PARD3: variants seen among roughly 807,000 people sequenced by gnomAD.
The protein encoded by PARD3 is par-3 family cell polarity regulator.
Under a neutral mutation model 155.4 loss-of-function variants are expected in PARD3, and 75 were observed. That is an observed-to-expected ratio of 0.48 (90% CI 0.40 to 0.58). The LOEUF is 0.58. Among genes scored for constraint, PARD3 ranks in the 20% least tolerant of loss-of-function variants. The pLI is 0.00. For missense variants in PARD3, 1,642 were observed against 1,721.7 expected (o/e 0.95, Z 0.82); for synonymous variants, 576 against 610.5 (o/e 0.94, Z 0.83).
chr10:34,355,937 AAAAAAAAAACAAAACAAAACCAAAC>A (rs1182888458), intron 14 of PARD3, among the ~76,000 whole-genome samples: 3 of 132,058 alleles, frequency 2.3e-5, no homozygotes, highest in African/African-American at 4.0e-5. Flanking sequence ...AAAAAAAAAA[AAAAAAAAAACAAAACAAAACCAAAC>A]AAAAAAACAG....
chr10:34,708,273 A>G (rs2094397946), intron 1 of PARD3, among the ~76,000 whole-genome samples: 2 of 152,100 alleles, frequency 1.3e-5, no homozygotes, highest in Non-Finnish European at 2.9e-5. Context: ...AAAGGAAAAA[A>G]AAAAAAAAGT....
chr10:34,594,359 G>A (rs931016144), intron 2 of PARD3, among the ~76,000 whole-genome samples: 2 of 152,182 alleles, frequency 1.3e-5, no homozygotes, highest in Non-Finnish European at 2.9e-5. Context: ...CTTGAGGAAA[G>A]TGTGTACAGG....
chr10:34,150,966 T>A (rs1866856), intron 22 of PARD3, among the ~76,000 whole-genome samples: 29,457 of 152,200 alleles, frequency 0.19, 3,542 homozygotes, highest in Middle Eastern at 0.38. Context: ...AGATTTCTCA[T>A]GAAAAGAGGG....
chr10:34,192,551 C>T (rs1242462685), intron 22 of PARD3, among the ~76,000 whole-genome samples: 5 of 152,192 alleles, frequency 3.3e-5, no homozygotes. Flanking sequence ...TTTTCATCTA[C>T]TTAAACAATA....
chr10:34,683,166 T>C (rs2093877474), intron 2 of PARD3, among the ~76,000 whole-genome samples: 1 of 152,134 alleles, frequency 6.6e-6, no homozygotes, highest in African/African-American at 2.4e-5. Flanking sequence ...GTATTCTCAT[T>C]CATAAGTGGA....
intron 5 of PARD3, among the ~76,000 whole-genome samples, chr10:34,449,277 A>G (rs572843568): frequency 5.3e-5 from 8 of 152,040 alleles, no homozygotes; most frequent in African/African-American, 1.9e-4. Flanking sequence ...AAAACCTCAT[A>G]CTGTACCCTT....
chr10:34,169,963 T>C (rs952479135), intron 22 of PARD3, among the ~76,000 whole-genome samples: 7 of 152,224 alleles, frequency 4.6e-5, no homozygotes, highest in African/African-American at 1.7e-4. Flanking sequence ...AAGGCTCAGC[T>C]TCTGTGTGAC....
chr10:34,694,619 C>A (rs1311567438), intron 2 of PARD3, among the ~76,000 whole-genome samples: 1 of 151,624 alleles, frequency 6.6e-6, no homozygotes, highest in Non-Finnish European at 1.5e-5. Context: ...TACAGGCACC[C>A]GCCACCACAG....
intron 2 of PARD3, among the ~76,000 whole-genome samples, chr10:34,539,265 G>C (rs1187720325): frequency 6.6e-6 from 1 of 152,070 alleles, no homozygotes; most frequent in Non-Finnish European, 1.5e-5. Flanking sequence ...TAGCTCATGA[G>C]GACTCTTAAG....
At chr10:34,402,595 A>C (rs2132211551) in intron 5 of PARD3, among the ~76,000 whole-genome samples, 1 of 152,320 alleles carries the variant, frequency 6.6e-6, no homozygotes, top group South Asian at 2.1e-4. Flanking sequence ...ATGAAGGACC[A>C]AACAAAAGGA....
chr10:34,378,175 A>G (rs1219004895), intron 9 of PARD3, 69 bp from the exon 10 acceptor site: 3 of 1,129,388 alleles, frequency 2.7e-6, no homozygotes, highest in Non-Finnish European at 3.8e-6. Flanking sequence ...GTATTGCACC[A>G]GTATACTCAA....
intron 22 of PARD3, among the ~76,000 whole-genome samples, chr10:34,189,690 T>C (rs1442796167): frequency 1.3e-5 from 2 of 152,222 alleles, no homozygotes; most frequent in African/African-American, 4.8e-5. Flanking sequence ...GAAAAGCACC[T>C]GTGCAATTGA....
At chr10:34,260,813 T>C (rs576319698) in intron 22 of PARD3, among the ~76,000 whole-genome samples, 21 of 152,360 alleles carry the variant, frequency 1.4e-4, no homozygotes, top group African/African-American at 4.3e-4. Flanking sequence ...AACTTTGTTA[T>C]ATGACCCAAC....
chr10:34,627,473 A>G (rs1358186210), intron 2 of PARD3, among the ~76,000 whole-genome samples: 2 of 152,184 alleles, frequency 1.3e-5, no homozygotes, highest in African/African-American at 4.8e-5. Flanking sequence ...CATTAGGGTG[A>G]GCCCTAATCC....
At chr10:34,174,178 G>A (rs991192665) in intron 22 of PARD3, among the ~76,000 whole-genome samples, 7 of 152,128 alleles carry the variant, frequency 4.6e-5, no homozygotes, top group African/African-American at 1.4e-4. Flanking sequence ...ACACACTTAG[G>A]TGCTCTATTC....
intron 5 of PARD3, among the ~76,000 whole-genome samples, chr10:34,433,717 A>G (rs2076056791): frequency 6.6e-6 from 1 of 152,184 alleles, no homozygotes; most frequent in Admixed American, 6.5e-5. Context: ...TATACTATCT[A>G]TGGAATAAGA....
chr10:34,122,064 C>T (rs986922302), intron 23 of PARD3, among the ~76,000 whole-genome samples: 3 of 152,220 alleles, frequency 2.0e-5, no homozygotes, highest in African/African-American at 4.8e-5. Context: ...AGATAAACCA[C>T]TGGACAGAAA....
chr10:34,277,160 T>TA (rs1955925648), intron 21 of PARD3, among the ~76,000 whole-genome samples: 1 of 152,164 alleles, frequency 6.6e-6, no homozygotes, highest in African/African-American at 2.4e-5. Flanking sequence ...AAGTCAGTAT[T>TA]ACAGAAATTG....
At chr10:34,130,532 C>T (rs1453540316) in intron 23 of PARD3, among the ~76,000 whole-genome samples, 4 of 152,202 alleles carry the variant, frequency 2.6e-5, no homozygotes, top group African/African-American at 9.6e-5. Context: ...CTAACAGACT[C>T]ACTCTCAAGT....
Sources: gnomAD v4.1 joint callset for allele counts (sites outside exome capture counted in the v4.1 genomes callset) on GRCh38, gnomAD v4.1.1 for gene constraint, MANE v1.5 for transcripts, NCBI Gene and HGNC (gene_info 2026-07-23, HGNC 2026-07-21) for gene names.